The following ESRRG variants were observed in gnomAD, a reference collection of about 807,000 sequenced individuals.
ESRRG encodes the protein estrogen-related receptor gamma.
ESRRG carries 13 observed loss-of-function variants against 44.0 expected under a neutral mutation model. The ratio of observed to expected loss-of-function variants is 0.30; its 90% confidence interval spans 0.19 to 0.47. The LOEUF (loss-of-function observed/expected upper bound fraction) is 0.47, where lower values mean the gene tolerates loss of function less well. Ranked by LOEUF, ESRRG falls within the 20% of genes least tolerant of loss-of-function variation. The pLI is 1.00. For synonymous variants in ESRRG, 215 were observed against 214.6 expected (o/e 1.00, Z -0.02); for missense variants, 395 against 580.6 (o/e 0.68, Z 3.29).
At chr1:216,831,479 C>T (rs1359730275) in intron 2 of ESRRG, among the ~76,000 whole-genome samples, 5 of 131,324 alleles carry the variant, frequency 3.8e-5, no homozygotes, top group African/African-American at 8.9e-5. Flanking sequence ...TCTCATTCAA[C>T]GGGGGGAGGA....
intron 3 of ESRRG, among the ~76,000 whole-genome samples, chr1:216,625,562 T>G (rs987912754): frequency 6.6e-6 from 1 of 152,114 alleles, no homozygotes; most frequent in African/African-American, 2.4e-5. Context: ...TGTCTAGAGA[T>G]GATAACATAG....
intron 1 of ESRRG, chr1:216,681,902 G>A (rs1392981858): frequency 1.3e-5 from 2 of 152,140 alleles, no homozygotes; most frequent in African/African-American, 2.4e-5. Context: ...CTACATCCAG[G>A]TAAATGTGTG....
chr1:216,747,656 G>C (rs1277978913), intron 2 of ESRRG, among the ~76,000 whole-genome samples: 1 of 152,128 alleles, frequency 6.6e-6, no homozygotes. Context: ...ATACTTACTG[G>C]TATAATTCTG....
intron 2 of ESRRG, among the ~76,000 whole-genome samples, chr1:216,656,969 T>C (rs931247151): frequency 3.3e-5 from 5 of 152,156 alleles, no homozygotes; most frequent in African/African-American, 7.2e-5. Flanking sequence ...TTACAGAGCA[T>C]TGGAATCATG....
At chr1:216,752,590 T>C (rs960987456) in intron 2 of ESRRG, among the ~76,000 whole-genome samples, 1 of 152,140 alleles carries the variant, frequency 6.6e-6, no homozygotes, top group African/African-American at 2.4e-5. Flanking sequence ...CAGAAAGAAC[T>C]TCTGGGCATT....
chr1:216,596,753 A>G (rs868706830), intron 3 of ESRRG, among the ~76,000 whole-genome samples: 15 of 152,214 alleles, frequency 9.9e-5, no homozygotes, highest in African/African-American at 3.4e-4. Flanking sequence ...TCGTCCAAAC[A>G]GTAACTAAAT....
intron 1 of ESRRG, among the ~76,000 whole-genome samples, chr1:216,989,148 GTC>G (rs1357028888): frequency 6.6e-6 from 1 of 152,060 alleles, no homozygotes; most frequent in African/African-American, 2.4e-5. Flanking sequence ...AGATATCGGT[GTC>G]TTTTTATTTA....
intron 2 of ESRRG, among the ~76,000 whole-genome samples, chr1:216,852,358 T>C (rs553411116): frequency 2.1e-4 from 32 of 152,282 alleles, no homozygotes; most frequent in African/African-American, 7.5e-4. Flanking sequence ...GGACATTGTA[T>C]AGGAAATTCT....
chr1:216,678,463 G>A (rs61817044), intron 1 of ESRRG, among the ~76,000 whole-genome samples: 1 of 152,068 alleles, frequency 6.6e-6, no homozygotes, highest in South Asian at 2.1e-4. Flanking sequence ...TATTTGTGAT[G>A]GTCCTTCCCC....
intron 2 of ESRRG, among the ~76,000 whole-genome samples, chr1:216,931,721 G>T (rs766629651): frequency 6.6e-6 from 1 of 151,892 alleles, no homozygotes; most frequent in Non-Finnish European, 1.5e-5. Flanking sequence ...TCTATGAGCT[G>T]TGGGAAGCAG....
intron 5 of ESRRG, among the ~76,000 whole-genome samples, chr1:216,520,281 T>C (rs1291837414): frequency 1.3e-5 from 2 of 152,114 alleles, no homozygotes. Context: ...ATATAAAATA[T>C]CACCTACCTA....
chr1:217,041,210 T>C (rs183567342), intron 1 of ESRRG, among the ~76,000 whole-genome samples: 363 of 152,172 alleles, frequency 2.4e-3, no homozygotes, highest in Middle Eastern at 0.017. Context: ...AGAGGCCCCA[T>C]AGTCAGAAAC....
chr1:216,807,594 A>G (rs1423825230), intron 2 of ESRRG, among the ~76,000 whole-genome samples: 3 of 152,120 alleles, frequency 2.0e-5, no homozygotes, highest in Admixed American at 2.0e-4. Flanking sequence ...AGGGTAAAGA[A>G]CCTTGAGGTA....
chr1:217,023,527 T>G (rs2080701893), intron 1 of ESRRG, among the ~76,000 whole-genome samples: 1 of 152,190 alleles, frequency 6.6e-6, no homozygotes, highest in Non-Finnish European at 1.5e-5. Flanking sequence ...GGTGGGTTTT[T>G]GTCATTTCTG....
At chr1:216,779,204 A>AAT (rs1183083135) in intron 2 of ESRRG, among the ~76,000 whole-genome samples, 1,135 of 41,388 alleles carry the variant, frequency 0.027, 88 homozygotes, top group African/African-American at 0.08. Flanking sequence ...TATATTTATA[A>AAT]ATATAAATAT....
chr1:216,940,734 A>T (rs570545614), intron 1 of ESRRG, among the ~76,000 whole-genome samples: 18 of 152,276 alleles, frequency 1.2e-4, no homozygotes, highest in African/African-American at 3.1e-4. Context: ...TTCACTAAAG[A>T]CACCCTTCAG....
At position 216,677,378 on chromosome 1, in the gene ESRRG, C is replaced by G; in HGVS notation, c.170G>C (p.Ser57Thr). 1.2e-6 allele frequency: 2 copies of G among 1,614,132 alleles called. No individual in the cohort carries two copies. The highest frequency in any genetic ancestry group is 1.7e-6 in the Non-Finnish European group (2 of 1,180,024). Residue 57 changes from serine to threonine, a missense_variant, in exon 2 of 7, where the codon AGC becomes ACC. This residue lies in a region of ESRRG where 148 missense variants were observed against 150.4 expected (regional missense o/e 0.98). Coordinates refer to ENST00000408911, the MANE Select transcript of ESRRG (RefSeq NM_001438.4). ...ASLTDSVNHHSPGGSSDASGS... is the reference protein window; with the variant it reads ...ASLTDSVNHHTPGGSSDASGS... ...ACTGGCGTCTGAAGAGCCACCAGGGCTGTGGTGGTTGACGCTGTCCGTCAG... is the reference window on the plus strand; with the variant it reads ...ACTGGCGTCTGAAGAGCCACCAGGGGTGTGGTGGTTGACGCTGTCCGTCAG...
intron 2 of ESRRG, among the ~76,000 whole-genome samples, chr1:216,902,578 T>C (rs920664897): frequency 2.0e-5 from 3 of 152,220 alleles, no homozygotes; most frequent in South Asian, 4.1e-4. Context: ...CTTCTGTTCA[T>C]GCTCCCACAT....
intron 1 of ESRRG, among the ~76,000 whole-genome samples, chr1:217,020,520 G>T (rs561707218): frequency 1.3e-5 from 2 of 152,208 alleles, no homozygotes; most frequent in South Asian, 4.1e-4. Flanking sequence ...CTTGATAACA[G>T]CCCTACTTGA....
Sources: allele counts gnomAD v4.1 joint callset (sites outside exome capture counted in the v4.1 genomes callset), GRCh38; gene constraint gnomAD v4.1.1; regional missense constraint gnomAD v4.1.1; transcripts MANE v1.5; gene names NCBI Gene and HGNC (gene_info 2026-07-23, HGNC 2026-07-21).